CHCHD6: variants seen among roughly 807,000 people sequenced by gnomAD.
CHCHD6 encodes coiled-coil-helix-coiled-coil-helix domain containing 6, also known as MICOS complex subunit MIC25.
CHCHD6 carries 28 observed loss-of-function variants against 32.3 expected under a neutral mutation model. The ratio of observed to expected loss-of-function variants is 0.87; its 90% CI spans 0.64 to 1.19. The LOEUF (loss-of-function observed/expected upper bound fraction) is 1.19, where lower values mean the gene tolerates loss of function less well. Among genes scored for constraint, CHCHD6 ranks in the 50% most tolerant of loss-of-function variants. The pLI, the probability that CHCHD6 is intolerant of heterozygous loss-of-function variation, is 0.00. For synonymous variants in CHCHD6, 122 were observed against 117.5 expected (o/e 1.04, Z -0.25); for missense variants, 333 against 307.0 (o/e 1.08, Z -0.63).
intron 4 of CHCHD6, among the ~76,000 whole-genome samples, chr3:126,740,126 G>T (rs1936226901): frequency 6.6e-6 from 1 of 152,192 alleles, no homozygotes; most frequent in Non-Finnish European, 1.5e-5. Context: ...CATTCTGTTT[G>T]TCAGGGCTTA....
chr3:126,865,526 C>A, intron 5 of CHCHD6: 1 of 979,704 alleles, frequency 1.0e-6, no homozygotes, highest in Non-Finnish European at 1.2e-6. Context: ...CCACCATCCT[C>A]CATAACCTCC....
chr3:126,884,173 C>T (rs759194285), intron 5 of CHCHD6, among the ~76,000 whole-genome samples: 24 of 152,162 alleles, frequency 1.6e-4, no homozygotes, highest in Non-Finnish European at 2.5e-4. Context: ...GCTCCAAGCC[C>T]CGGGTTCTAT....
intron 6 of CHCHD6, among the ~76,000 whole-genome samples, chr3:126,922,789 C>T (rs1013965778): frequency 2.0e-5 from 3 of 152,122 alleles, no homozygotes; most frequent in African/African-American, 4.8e-5. Context: ...ACTCCCATGC[C>T]AGTGCTTACA....
intron 4 of CHCHD6, among the ~76,000 whole-genome samples, chr3:126,850,091 G>A (rs1941421190): frequency 6.6e-6 from 1 of 152,170 alleles, no homozygotes; most frequent in Non-Finnish European, 1.5e-5. Context: ...CATTTTTCGT[G>A]TCACCTCCTG....
chr3:126,860,021 G>T (rs1231284969), intron 5 of CHCHD6, among the ~76,000 whole-genome samples: 1 of 152,148 alleles, frequency 6.6e-6, no homozygotes, highest in African/African-American at 2.4e-5. Context: ...TCAGTGAGGG[G>T]TGTGTCTCGT....
At chr3:126,936,258 G>A (rs1290832523) in intron 6 of CHCHD6, among the ~76,000 whole-genome samples, 1 of 151,926 alleles carries the variant, frequency 6.6e-6, no homozygotes, top group Non-Finnish European at 1.5e-5. Context: ...GTGTAGAGGG[G>A]TGGTGATGCT....
chr3:126,872,985 CT>C (rs531701518), intron 5 of CHCHD6, among the ~76,000 whole-genome samples: 265 of 152,372 alleles, frequency 1.7e-3, no homozygotes, highest in Non-Finnish European at 3.2e-3. Context: ...GTCTCTCTAC[CT>C]TCTGTCAGCA....
At chr3:126,785,244 A>C (rs1208075727) in intron 4 of CHCHD6, among the ~76,000 whole-genome samples, 2 of 152,108 alleles carry the variant, frequency 1.3e-5, no homozygotes, top group Non-Finnish European at 2.9e-5. Context: ...GATGCCAATA[A>C]CACTTTTCTA....
intron 5 of CHCHD6, among the ~76,000 whole-genome samples, chr3:126,862,593 TTCCTCCACCATCACCACC>T (rs1941969914): frequency 7.8e-5 from 1 of 12,786 alleles, no homozygotes. Flanking sequence ...CCATCACCTC[TTCCTCCACCATCACCACC>T]TCCCCCTCCT....
At chr3:126,860,240 A>G (rs1481105006) in intron 5 of CHCHD6, among the ~76,000 whole-genome samples, 2 of 152,192 alleles carry the variant, frequency 1.3e-5, no homozygotes, top group Non-Finnish European at 2.9e-5. Flanking sequence ...ACAGCAGGAA[A>G]GCTTCCCTTG....
intron 5 of CHCHD6, among the ~76,000 whole-genome samples, chr3:126,856,684 G>A (rs557051259): frequency 1.6e-4 from 24 of 152,282 alleles, no homozygotes; most frequent in East Asian, 1.5e-3. Flanking sequence ...ACACTTTATC[G>A]TCTCCTAGTA....
At chr3:126,762,343 G>C (rs925926731) in intron 4 of CHCHD6, among the ~76,000 whole-genome samples, 3 of 152,042 alleles carry the variant, frequency 2.0e-5, no homozygotes, top group African/African-American at 7.2e-5. Flanking sequence ...TTGTGTTTTT[G>C]TTTTCATCCA....
chr3:126,945,883 G>C (rs1303031129), intron 6 of CHCHD6, among the ~76,000 whole-genome samples: 1 of 151,984 alleles, frequency 6.6e-6, no homozygotes, highest in African/African-American at 2.4e-5. Context: ...AAAGTTTCCA[G>C]CAGAGAGGCG....
chr3:126,937,587 T>C (rs1292624809), intron 6 of CHCHD6, among the ~76,000 whole-genome samples: 1 of 152,158 alleles, frequency 6.6e-6, no homozygotes, highest in Non-Finnish European at 1.5e-5. Context: ...AAAACAGGTG[T>C]ATTTTGTTGC....
intron 4 of CHCHD6, among the ~76,000 whole-genome samples, chr3:126,828,741 C>T (rs1307328508): frequency 6.6e-6 from 1 of 152,206 alleles, no homozygotes; most frequent in East Asian, 1.9e-4. Flanking sequence ...AGTCCAGGGT[C>T]TACCTGCCTT....
intron 2 of CHCHD6, among the ~76,000 whole-genome samples, chr3:126,729,250 T>C (rs1202915323): frequency 6.6e-6 from 1 of 152,178 alleles, no homozygotes; most frequent in African/African-American, 2.4e-5. Context: ...TCTTAATATG[T>C]AGCGAGTTCT....
chr3:126,713,550 G>A lies in CHCHD6; in HGVS notation c.87+9151G>A, dbSNP rs1016690508. 2.0e-5 allele frequency among the ~76,000 whole-genome samples: 3 copies of A among 152,176 alleles called. No homozygotes were observed. In the South Asian group the frequency reaches 6.2e-4, roughly 32 times the overall value. Reference sequence around the variant, plus strand: ...TGATTCTCCTCCTTTGGCTGGCCAGGTGGAAGTGTTGCCTTCAGAAGGAGC... The same window carrying A: ...TGATTCTCCTCCTTTGGCTGGCCAGATGGAAGTGTTGCCTTCAGAAGGAGC... On this transcript the variant is annotated intron_variant, in intron 1 of 7. Coordinates refer to ENST00000290913, the MANE Select transcript of CHCHD6 (RefSeq NM_032343.3).
chr3:126,760,681 T>A (rs1937126929), intron 4 of CHCHD6, among the ~76,000 whole-genome samples: 1 of 152,248 alleles, frequency 6.6e-6, no homozygotes, highest in African/African-American at 2.4e-5. Context: ...ATTTCTTTCC[T>A]TTTTAAAGCT....
At chr3:126,956,524 A>G (rs2078785505) in intron 6 of CHCHD6, among the ~76,000 whole-genome samples, 1 of 152,192 alleles carries the variant, frequency 6.6e-6, no homozygotes. Context: ...AGCACTGAGC[A>G]CGCCCAGCAG....
Sources: gnomAD v4.1 joint callset for allele counts (sites outside exome capture counted in the v4.1 genomes callset) on GRCh38, gnomAD v4.1.1 for gene constraint, MANE v1.5 for transcripts, NCBI Gene and HGNC (gene_info 2026-07-23, HGNC 2026-07-21) for gene names.